The following APBA1 variants were observed in gnomAD, a reference collection of about 807,000 sequenced individuals.
APBA1 encodes amyloid-beta A4 precursor protein-binding family A member 1.
APBA1 carries 55 observed loss-of-function variants against 86.6 expected under a neutral mutation model. That is an observed-to-expected ratio of 0.64 (90% CI 0.51 to 0.80). The LOEUF (loss-of-function observed/expected upper bound fraction) is 0.80. APBA1 is among the 30% of genes least tolerant of loss of function. The pLI is 0.00. For missense variants in APBA1, 1,090 were observed against 1,183.0 expected, an observed-to-expected ratio of 0.92 and a Z score of 1.15; for synonymous variants, 511 against 493.9, an observed-to-expected ratio of 1.03 and a Z score of -0.46.
chr9:69,603,818 G>C (rs532813161), intron 1 of APBA1, among the ~76,000 whole-genome samples: 318 of 152,308 alleles, frequency 2.1e-3, no homozygotes, highest in African/African-American at 7.4e-3. Flanking sequence ...CATAAACCTG[G>C]ACAGTGCCAG....
intron 1 of APBA1, among the ~76,000 whole-genome samples, chr9:69,630,814 A>G (rs924752824): frequency 1.3e-5 from 2 of 152,198 alleles, no homozygotes; most frequent in Non-Finnish European, 2.9e-5. Flanking sequence ...TGTGAAAAAA[A>G]TACGTGAAGG....
chr9:69,441,036 T>A lies in APBA1; in HGVS notation c.2261A>T (p.Asp754Val). 1 of 1,614,074 alleles carries A rather than the reference T, an allele frequency of 6.2e-7. No individual in the cohort carries two copies. Among genetic ancestry groups the A allele is most frequent in the Non-Finnish European group, 8.5e-7 (1 of 1,180,020 alleles). The change falls in exon 11 of 13, where the codon GAC (aspartate) becomes GTC (valine). Residue 754 changes from aspartate (D) to valine (V), a missense_variant. Physicochemically the swap from Asp to Val is radical, Grantham distance 152. Transcript: ENST00000265381. ...GCTGAAACCGAGCTGGTAGCGAAGG[T>A]CTGGTCTTCTGATTAACACGGTGGT... is the stretch of plus-strand genomic sequence containing the variant. ...PVTTVLIRRPDLRYQLGFSVQ... is the reference protein window; with the variant it reads ...PVTTVLIRRPVLRYQLGFSVQ...
At chr9:69,667,958 A>G (rs1186189974) in intron 1 of APBA1, among the ~76,000 whole-genome samples, 1 of 152,056 alleles carries the variant, frequency 6.6e-6, no homozygotes, top group Non-Finnish European at 1.5e-5. Flanking sequence ...TGTGAGTGAC[A>G]GGGGCTCTCC....
intron 2 of APBA1, among the ~76,000 whole-genome samples, chr9:69,515,665 A>G (rs988792246): frequency 7.4e-5 from 9 of 121,170 alleles, no homozygotes; most frequent in Admixed American, 4.0e-4. Context: ...CTCGGGCCCC[A>G]CTCCATACTT....
At chr9:69,549,075 C>A (rs1032329023) in intron 1 of APBA1, among the ~76,000 whole-genome samples, 1 of 152,186 alleles carries the variant, frequency 6.6e-6, no homozygotes, top group Non-Finnish European at 1.5e-5. Flanking sequence ...CAGGGCCACA[C>A]AGATGATGCA....
At chr9:69,635,856 A>T (rs1437630256) in intron 1 of APBA1, among the ~76,000 whole-genome samples, 1 of 152,180 alleles carries the variant, frequency 6.6e-6, no homozygotes, top group African/African-American at 2.4e-5. Flanking sequence ...CTAGGCAAAA[A>T]CTTCTTGAGT....
chr9:69,562,273 C>A (rs1360363887), intron 1 of APBA1, among the ~76,000 whole-genome samples: 1 of 151,962 alleles, frequency 6.6e-6, no homozygotes, highest in Non-Finnish European at 1.5e-5. Flanking sequence ...TAGCTTGCTA[C>A]AGTAAGGCCA....
intron 2 of APBA1, among the ~76,000 whole-genome samples, chr9:69,501,310 A>G (rs1284719500): frequency 6.6e-6 from 1 of 152,132 alleles, no homozygotes; most frequent in African/African-American, 2.4e-5. Flanking sequence ...ACATGTTGCC[A>G]GTTACACTTG....
intron 1 of APBA1, among the ~76,000 whole-genome samples, chr9:69,534,884 C>T (rs920968470): frequency 6.6e-6 from 1 of 152,030 alleles, no homozygotes; most frequent in African/African-American, 2.4e-5. Context: ...TTAATTTCTC[C>T]TTTTCTCTCC....
intron 1 of APBA1, among the ~76,000 whole-genome samples, chr9:69,614,703 T>G (rs1822667222): frequency 6.6e-6 from 1 of 152,138 alleles, no homozygotes; most frequent in East Asian, 1.9e-4. Flanking sequence ...TTAAATAACT[T>G]TAAGGTCGAT....
intron 4 of APBA1, 23 bp from the exon 5 acceptor site, chr9:69,467,991 G>A (rs1835308409): frequency 3.7e-6 from 6 of 1,610,260 alleles, no homozygotes; most frequent in South Asian, 1.1e-5. Flanking sequence ...GAGCCACAGT[G>A]AGGAAGCCAT....
intron 1 of APBA1, among the ~76,000 whole-genome samples, chr9:69,574,633 G>C (rs1015727090): frequency 1.4e-4 from 21 of 152,204 alleles, no homozygotes; most frequent in African/African-American, 4.1e-4. Flanking sequence ...TGCTGGTTTT[G>C]CTCTTATTTT....
At chr9:69,615,469 C>T (rs1699109895) in intron 1 of APBA1, among the ~76,000 whole-genome samples, 1 of 152,114 alleles carries the variant, frequency 6.6e-6, no homozygotes. Context: ...TATTTGAGAA[C>T]GTGCTTAAAA....
intron 1 of APBA1, among the ~76,000 whole-genome samples, chr9:69,628,763 A>C (rs1030305326): frequency 6.6e-6 from 1 of 152,232 alleles, no homozygotes; most frequent in Non-Finnish European, 1.5e-5. Flanking sequence ...AATTCCTAGG[A>C]GTGCAGAACA....
chr9:69,519,471 T>C (rs913550328), intron 1 of APBA1, among the ~76,000 whole-genome samples: 1 of 152,260 alleles, frequency 6.6e-6, no homozygotes, highest in Non-Finnish European at 1.5e-5. Flanking sequence ...CATACCCAAG[T>C]TGCCTTCATA....
chr9:69,565,796 C>T (rs150883079), intron 1 of APBA1, among the ~76,000 whole-genome samples: 23 of 152,332 alleles, frequency 1.5e-4, no homozygotes, highest in Non-Finnish European at 3.1e-4. Flanking sequence ...GAGTCCTTAC[C>T]GTTCTCCTCC....
chr9:69,431,805 TAGCAGTGATGAATGAC>T (rs1426150546), intron 12 of APBA1, among the ~76,000 whole-genome samples: 50 of 152,340 alleles, frequency 3.3e-4, no homozygotes, highest in African/African-American at 8.9e-4. Flanking sequence ...TGATGATTGA[TAGCAGTGATGAATGAC>T]AGCAGTGATG....
In APBA1 at chr9:69,516,717, T is replaced by A; in HGVS notation, c.494A>T (p.Tyr165Phe). Residue 165 changes from tyrosine (Y) to phenylalanine (F), a missense_variant, in exon 2 of 13, where the codon TAC becomes TTC. By Grantham distance (22) the Tyr-to-Phe change is conservative. This residue lies in a region of APBA1 where 678 missense variants were observed against 647.1 expected (regional missense o/e 1.05). Transcript: ENST00000265381. The surrounding 1 kb of genome is among the most constrained non-coding windows in gnomAD (Gnocchi z 7.3). ...LEHEEAMNAA[Y>F]SGYVYTHRLF... ...CCGGTGCGTGTAGACGTAGCCTGAGTAGGCCGCATTCATGGCTTCCTCGTG... is the reference window on the plus strand; with the variant it reads ...CCGGTGCGTGTAGACGTAGCCTGAGAAGGCCGCATTCATGGCTTCCTCGTG... 2 of 1,611,340 alleles carry A rather than the reference T, an allele frequency of 1.2e-6. No homozygotes were observed. Among genetic ancestry groups the A allele is most frequent in the East Asian group, 2.2e-5 (1 of 44,790 alleles).
intron 11 of APBA1, among the ~76,000 whole-genome samples, chr9:69,436,818 T>C (rs1834732207): frequency 6.6e-6 from 1 of 152,036 alleles, no homozygotes; most frequent in African/African-American, 2.4e-5. Context: ...CTATGTTGAA[T>C]AGGAGTGGTG....
Sources: allele counts gnomAD v4.1 joint callset (sites outside exome capture counted in the v4.1 genomes callset), GRCh38; gene constraint gnomAD v4.1.1; regional missense constraint gnomAD v4.1.1; non-coding constraint Gnocchi (gnomAD v3.1); transcripts MANE v1.5; gene names NCBI Gene and HGNC (gene_info 2026-07-23, HGNC 2026-07-21).